The following MYO1F variants were observed in gnomAD, a reference collection of about 807,000 sequenced individuals.
MYO1F encodes the protein unconventional myosin-If.
In MYO1F, 60 loss-of-function variants were observed where a neutral mutation model predicts 146.6. The ratio of observed to expected loss-of-function variants is 0.41; its 90% CI spans 0.33 to 0.51. The LOEUF is 0.51. Ranked by LOEUF, MYO1F falls within the 20% of genes least tolerant of loss-of-function variation. The probability of loss-of-function intolerance (pLI) is 0.25; values close to 1 mark genes in which losing one functional copy is unlikely to be tolerated. For synonymous variants in MYO1F, 602 were observed against 602.1 expected (o/e 1.00, Z 0.00); for missense variants, 1,274 against 1,534.3 (o/e 0.83, Z 2.83).
chr19:8,523,830 G>T (rs538318695), intron 25 of MYO1F, among the ~76,000 whole-genome samples: 2 of 152,044 alleles, frequency 1.3e-5, no homozygotes, highest in East Asian at 1.9e-4. Flanking sequence ...AATTTAAAAA[G>T]AATTTTTAGG....
rs78936828 is a variant in MYO1F at position 8,536,085 on chromosome 19, G to A, written c.2043+167C>T. On this transcript the variant is annotated intron_variant, in intron 19 of 27. Coordinates refer to ENST00000644032, the MANE Select transcript of MYO1F (RefSeq NM_012335.4). ...AATTTCTCTCTCAACCTCTATCTCAGTTTCTCTGTCAATCCCTCTCTCTCA... is the reference window on the plus strand; with the variant it reads ...AATTTCTCTCTCAACCTCTATCTCAATTTCTCTGTCAATCCCTCTCTCTCA... Among the ~76,000 whole-genome samples the A allele has an allele frequency of 0.025, 3,748 of 151,874 alleles. 86 individuals are homozygous for A. Among genetic ancestry groups the A allele is most frequent in the African/African-American group, 0.062 (2,564 of 41,392 alleles).
chr19:8,570,192 C>A (rs2042082891), intron 1 of MYO1F, among the ~76,000 whole-genome samples: 1 of 152,050 alleles, frequency 6.6e-6, no homozygotes, highest in Non-Finnish European at 1.5e-5. Flanking sequence ...CCTGCCTCAG[C>A]CTCCCAAGTA....
At chr19:8,531,072 A>T (rs992061624) in intron 19 of MYO1F, among the ~76,000 whole-genome samples, 10 of 150,852 alleles carry the variant, frequency 6.6e-5, no homozygotes, top group African/African-American at 2.2e-4. Flanking sequence ...AAACAAAAAA[A>T]GCTGGTGGCT....
At chr19:8,539,845 G>A in intron 16 of MYO1F, 102 bp downstream of exon 16, 1 of 1,037,998 alleles carries the variant, frequency 9.6e-7, no homozygotes, top group African/African-American at 1.6e-5. Context: ...AGGATTGGTA[G>A]ACAGACAGAC....
chr19:8,560,563 A>AT (rs1003294923), intron 1 of MYO1F, among the ~76,000 whole-genome samples: 12 of 149,906 alleles, frequency 8.0e-5, no homozygotes, highest in African/African-American at 1.7e-4. Flanking sequence ...GCTGAGAAGG[A>AT]TTTTTTTGTT....
chr19:8,551,924 C>T (rs771500300), intron 7 of MYO1F, 50 bp from the exon 8 acceptor site: 12 of 1,614,002 alleles, frequency 7.4e-6, no homozygotes, highest in South Asian at 2.2e-5. Flanking sequence ...GGCTCAGCCC[C>T]TGTGATCCCT....
chr19:8,530,072 T>C lies in MYO1F; in HGVS notation c.2328+124A>G. On this transcript the variant is annotated intron_variant, in intron 21 of 27. Transcript: ENST00000644032. This position sits in a 1 kb window ranked among gnomAD's most constrained non-coding sequence, Gnocchi z 5.8. ...GGTGCATATGGGCCAGGTGAGGGTG[T>C]ACCTGTGATGGAACAGATGGATCTA... is the stretch of plus-strand genomic sequence containing the variant. 1 of 1,330,978 alleles carries C rather than the reference T, an allele frequency of 7.5e-7. No individual in the cohort carries two copies. The highest frequency in any genetic ancestry group is 1.1e-6 in the Non-Finnish European group (1 of 933,058). The allele number at this position is 1,330,978 out of a possible 1,614,324, so 82.4% of individuals were successfully genotyped here.
At chr19:8,527,913 A>G (rs1188575595) in intron 21 of MYO1F, among the ~76,000 whole-genome samples, 1 of 152,162 alleles carries the variant, frequency 6.6e-6, no homozygotes, top group African/African-American at 2.4e-5. Flanking sequence ...ACGCCTGGCC[A>G]TGAGTTGTTA....
At chr19:8,574,699 CTCTTTCTTTCTTTTTCTTTCTCTT>C (rs1294051690) in intron 1 of MYO1F, among the ~76,000 whole-genome samples, 1 of 137,546 alleles carries the variant, frequency 7.3e-6, no homozygotes, top group Non-Finnish European at 1.6e-5. Flanking sequence ...TTCTCTTTCT[CTCTTTCTTTCTTTTTCTTTCTCTT>C]TCTTTCTTTC....
chr19:8,521,751 C>G, intron 27 of MYO1F, 147 bp from the exon 28 acceptor site: 1 of 746,424 alleles, frequency 1.3e-6, no homozygotes, highest in Non-Finnish European at 2.3e-6. Context: ...CCTGCCTCAG[C>G]CTCCCAAAGT....
intron 1 of MYO1F, among the ~76,000 whole-genome samples, chr19:8,561,588 C>T (rs1185071414): frequency 6.8e-5 from 9 of 132,194 alleles, no homozygotes; most frequent in Admixed American, 6.3e-4. Context: ...TCCTTCCCTC[C>T]CTCCCTCTCT....
intron 1 of MYO1F, among the ~76,000 whole-genome samples, chr19:8,559,742 G>C (rs1016485142): frequency 6.6e-6 from 1 of 151,966 alleles, no homozygotes; most frequent in Non-Finnish European, 1.5e-5. Context: ...CTAAGGTCGG[G>C]AGTTTGAGAC....
intron 14 of MYO1F, among the ~76,000 whole-genome samples, chr19:8,543,669 G>C (rs1053931008): frequency 6.6e-4 from 42 of 64,070 alleles, no homozygotes; most frequent in Non-Finnish European, 1.1e-3. Context: ...GGTGGTGGTG[G>C]TGGTGCTGGT....
At chr19:8,551,195 G>A (rs890652612) in intron 8 of MYO1F, among the ~76,000 whole-genome samples, 1 of 149,688 alleles carries the variant, frequency 6.7e-6, no homozygotes, top group Admixed American at 6.7e-5. Flanking sequence ...GGGACTACAG[G>A]CGCATGGCAT....
intron 25 of MYO1F, among the ~76,000 whole-genome samples, chr19:8,524,915 G>C (rs1247781200): frequency 6.6e-6 from 1 of 152,132 alleles, no homozygotes; most frequent in African/African-American, 2.4e-5. Flanking sequence ...TGTAGTTTGA[G>C]GCCAGGCGCC....
At chr19:8,569,196 A>G (rs2042064868) in intron 1 of MYO1F, among the ~76,000 whole-genome samples, 2 of 152,050 alleles carry the variant, frequency 1.3e-5, no homozygotes, top group Admixed American at 1.3e-4. Flanking sequence ...CCAAGTCTCC[A>G]TGGGTCAAGT....
chr19:8,577,071 C>T lies in MYO1F; in HGVS notation c.3+236G>A, dbSNP rs1374561365. ...CCACCTTCTGTCTTCCAGGTCCTGC[C>T]CTATCCTTGGATCCAGGGATACCAC... On this transcript the variant is annotated intron_variant, in intron 1 of 27. Coordinates refer to ENST00000644032, the MANE Select transcript of MYO1F (RefSeq NM_012335.4). This position sits in a 1 kb window ranked among gnomAD's most constrained non-coding sequence, Gnocchi z 4.3. The T allele has an allele frequency of 1.6e-5, 10 of 628,266 alleles. No individual in the cohort carries two copies. The highest frequency in any genetic ancestry group is 1.1e-4 in the South Asian group (6 of 54,734). The allele number at this position is 628,266 out of a possible 1,614,324, so 38.9% of individuals were successfully genotyped here.
At chr19:8,549,819 G>T in intron 10 of MYO1F, 1 of 345,584 alleles carries the variant, frequency 2.9e-6, no homozygotes, top group Non-Finnish European at 5.4e-6. Context: ...GTTTTTTTTA[G>T]AGACAGGGTC....
chr19:8,528,561 C>CA (rs879933811), intron 21 of MYO1F, among the ~76,000 whole-genome samples: 2 of 151,478 alleles, frequency 1.3e-5, no homozygotes, highest in Non-Finnish European at 2.9e-5. Context: ...AACTCTGTCT[C>CA]AAAAAAACAA....
Sources: gnomAD v4.1 joint callset for allele counts (sites outside exome capture counted in the v4.1 genomes callset) on GRCh38, gnomAD v4.1.1 for gene constraint, Gnocchi (gnomAD v3.1) non-coding constraint, MANE v1.5 for transcripts, NCBI Gene and HGNC (gene_info 2026-07-23, HGNC 2026-07-21) for gene names.